Variants in NXPH1 observed in about 807,000 individuals in gnomAD.
The protein encoded by NXPH1 is neurexophilin 1.
NXPH1 carries 5 observed loss-of-function variants against 23.7 expected under a neutral mutation model. The ratio of observed to expected loss-of-function variants is 0.21; its 90% CI spans 0.11 to 0.44. The LOEUF is 0.44. NXPH1 is among the 20% of genes least tolerant of loss of function. The pLI is 0.99. For missense variants in NXPH1, 324 were observed against 321.6 expected, an observed-to-expected ratio of 1.01 and a Z score of -0.06; for synonymous variants, 144 against 122.2, an observed-to-expected ratio of 1.18 and a Z score of -1.18.
intron 2 of NXPH1, among the ~76,000 whole-genome samples, chr7:8,586,706 G>T (rs1818988499): frequency 6.6e-6 from 1 of 151,524 alleles, no homozygotes; most frequent in South Asian, 2.1e-4. Context: ...TTTATTTTAG[G>T]ATAAAAGTAG....
chr7:8,727,793 T>G (rs2115212900), intron 2 of NXPH1, among the ~76,000 whole-genome samples: 1 of 152,266 alleles, frequency 6.6e-6, no homozygotes, highest in South Asian at 2.1e-4. Context: ...CTTTGTTCTT[T>G]TGGCTTAGGA....
chr7:8,440,389 G>C (rs1337983161), intron 2 of NXPH1, among the ~76,000 whole-genome samples: 1 of 152,192 alleles, frequency 6.6e-6, no homozygotes, highest in East Asian at 1.9e-4. Flanking sequence ...GAGAGAACCA[G>C]GATTGCTCCA....
chr7:8,541,824 T>C (rs1420592894), intron 2 of NXPH1, among the ~76,000 whole-genome samples: 1 of 151,602 alleles, frequency 6.6e-6, no homozygotes, highest in Non-Finnish European at 1.5e-5. Context: ...GTTAAAGATG[T>C]ATAGAGTTAA....
chr7:8,481,390 C>T (rs932073624), intron 2 of NXPH1, among the ~76,000 whole-genome samples: 1 of 152,090 alleles, frequency 6.6e-6, no homozygotes, highest in Non-Finnish European at 1.5e-5. Flanking sequence ...AAGAAAAACA[C>T]CTCCATGAAA....
rs1053167096 is a variant in NXPH1 at position 8,478,794 on chromosome 7, G to C, written c.54+43027G>C. ...GTGAAAGAAAATTAGATTATTATCA[G>C]ACTTTTTTGATAGCAATTCTTTATA... On this transcript the variant is annotated intron_variant, in intron 2 of 2. Coordinates refer to ENST00000405863, the MANE Select transcript of NXPH1 (RefSeq NM_152745.3). Among the ~76,000 whole-genome samples, 46 of 152,034 alleles carry C rather than the reference G, an allele frequency of 3.0e-4. 1 individual carries two copies. Among genetic ancestry groups the C allele is most frequent in the African/African-American group, 9.4e-4 (39 of 41,434 alleles).
chr7:8,540,505 A>C (rs1256582950), intron 2 of NXPH1, among the ~76,000 whole-genome samples: 1 of 151,812 alleles, frequency 6.6e-6, no homozygotes, highest in African/African-American at 2.4e-5. Context: ...TGTGCAGGGA[A>C]GGAAAACCCA....
chr7:8,439,360 G>T (rs973356625), intron 2 of NXPH1, among the ~76,000 whole-genome samples: 2 of 152,134 alleles, frequency 1.3e-5, no homozygotes, highest in African/African-American at 4.8e-5. Context: ...TCTCCCACAG[G>T]GTGTGGCATT....
intron 2 of NXPH1, among the ~76,000 whole-genome samples, chr7:8,552,138 A>G (rs2128619764): frequency 6.6e-6 from 1 of 150,454 alleles, no homozygotes; most frequent in East Asian, 2.0e-4. Flanking sequence ...AAAAAAAAAA[A>G]AAAACCACCA....
chr7:8,481,477 A>G (rs1430720147), intron 2 of NXPH1, among the ~76,000 whole-genome samples: 1 of 152,170 alleles, frequency 6.6e-6, no homozygotes, highest in Non-Finnish European at 1.5e-5. Context: ...ATACTATGAA[A>G]TAAAACACAG....
chr7:8,535,298 A>T (rs1818010765), intron 2 of NXPH1, among the ~76,000 whole-genome samples: 1 of 152,144 alleles, frequency 6.6e-6, no homozygotes, highest in African/African-American at 2.4e-5. Flanking sequence ...AATAATGGGG[A>T]CAAATTTAGA....
At chr7:8,458,856 T>C (rs1190960024) in intron 2 of NXPH1, among the ~76,000 whole-genome samples, 8 of 152,190 alleles carry the variant, frequency 5.3e-5, no homozygotes, top group Admixed American at 3.9e-4. Flanking sequence ...TGAAATGATC[T>C]TGATAGAAGG....
intron 2 of NXPH1, among the ~76,000 whole-genome samples, chr7:8,719,335 C>A (rs1468433484): frequency 6.6e-6 from 1 of 152,068 alleles, no homozygotes; most frequent in Non-Finnish European, 1.5e-5. Context: ...TGGCTCCAGG[C>A]CAGCAAAGGT....
At chr7:8,702,090 G>A (rs1779633418) in intron 2 of NXPH1, among the ~76,000 whole-genome samples, 1 of 149,386 alleles carries the variant, frequency 6.7e-6, no homozygotes, top group Admixed American at 6.7e-5. Flanking sequence ...GTGTTATGTT[G>A]ATTTAGTTTT....
At chr7:8,695,935 G>A (rs191933976) in intron 2 of NXPH1, among the ~76,000 whole-genome samples, 61 of 152,226 alleles carry the variant, frequency 4.0e-4, no homozygotes, top group African/African-American at 1.4e-3. Flanking sequence ...AAATATTGAT[G>A]TACTCCTTAA....
At chr7:8,653,971 G>C (rs1820531636) in intron 2 of NXPH1, among the ~76,000 whole-genome samples, 1 of 152,100 alleles carries the variant, frequency 6.6e-6, no homozygotes, top group Non-Finnish European at 1.5e-5. Context: ...AACTTTGCTT[G>C]GATTTCATGT....
At chr7:8,456,307 TG>T (rs1194136130) in intron 2 of NXPH1, among the ~76,000 whole-genome samples, 3 of 152,230 alleles carry the variant, frequency 2.0e-5, no homozygotes, top group Non-Finnish European at 4.4e-5. Context: ...ATTACCTTGT[TG>T]ATCACTGAAT....
chr7:8,663,130 T>G (rs1244872187), intron 2 of NXPH1, among the ~76,000 whole-genome samples: 1 of 152,092 alleles, frequency 6.6e-6, no homozygotes, highest in Non-Finnish European at 1.5e-5. Context: ...AGCTCTGGGC[T>G]TAAAATTGAG....
Position 8,751,248 on chromosome 7 carries a change from G to C in NXPH1, c.295G>C (p.Glu99Gln). ...GCTGAGGAACTCCACAGACCTTCAA[G>C]AGCCTCGGCCCAGGGCCAAGAGAAG... ...DWLRNSTDLQ[E>Q]PRPRAKRRPI... The change falls in exon 3 of 3, where the codon GAG (glutamate) becomes CAG (glutamine). Residue 99 changes from glutamate (E) to glutamine (Q), a missense_variant. Physicochemically the swap from Glu to Gln is conservative, Grantham distance 29. Coordinates refer to ENST00000405863, the MANE Select transcript of NXPH1 (RefSeq NM_152745.3). This position sits in a 1 kb window ranked among gnomAD's most constrained non-coding sequence, Gnocchi z 4.5. 1 of 1,613,916 alleles carries C rather than the reference G, an allele frequency of 6.2e-7. No individual in the cohort carries two copies. The highest frequency in any genetic ancestry group is 1.1e-5 in the South Asian group (1 of 91,090).
intron 2 of NXPH1, among the ~76,000 whole-genome samples, chr7:8,646,353 T>C (rs1283623790): frequency 2.6e-5 from 4 of 152,300 alleles, no homozygotes; most frequent in African/African-American, 9.6e-5. Flanking sequence ...TTTTAAACTC[T>C]ATTATTCTTA....
Sources: allele counts gnomAD v4.1 joint callset (sites outside exome capture counted in the v4.1 genomes callset), GRCh38; gene constraint gnomAD v4.1.1; non-coding constraint Gnocchi (gnomAD v3.1); transcripts MANE v1.5; gene names NCBI Gene and HGNC (gene_info 2026-07-23, HGNC 2026-07-21).